Variants in CA6 observed in about 807,000 individuals in gnomAD.
CA6 encodes carbonate dehydratase VI.
Under a neutral mutation model 35.9 loss-of-function variants are expected in CA6, and 28 were observed. The observed-to-expected ratio is 0.78, with a 90% CI of 0.58 to 1.07. The LOEUF is 1.07. CA6 is among the 50% of genes least tolerant of loss of function. The probability of loss-of-function intolerance (pLI) is 0.00; values close to 1 mark genes in which losing one functional copy is unlikely to be tolerated. For synonymous variants in CA6, 148 were observed against 152.6 expected (o/e 0.97, Z 0.22); for missense variants, 377 against 382.0 (o/e 0.99, Z 0.11).
intron 2 of CA6, among the ~76,000 whole-genome samples, chr1:8,955,746 G>C (rs529232809): frequency 6.9e-6 from 1 of 145,166 alleles, no homozygotes; most frequent in African/African-American, 2.6e-5. Flanking sequence ...CCAAACAGCC[G>C]GTGAAAACCT....
chr1:8,947,419 T>A (rs1289188929), intron 1 of CA6, among the ~76,000 whole-genome samples: 1 of 152,010 alleles, frequency 6.6e-6, no homozygotes, highest in Non-Finnish European at 1.5e-5. Flanking sequence ...ATCTGTTAAG[T>A]CAAGGGCAAC....
At chr1:8,971,311 C>CT (rs1254140549) in intron 7 of CA6, among the ~76,000 whole-genome samples, 1,592 of 137,942 alleles carry the variant, frequency 0.012, 19 homozygotes, top group African/African-American at 0.029. Flanking sequence ...TCAAGTTAAC[C>CT]TTTTTTTTTT....
chr1:8,968,296 A>T (rs564335993), intron 6 of CA6, among the ~76,000 whole-genome samples: 6 of 152,038 alleles, frequency 3.9e-5, no homozygotes, highest in Non-Finnish European at 7.4e-5. Flanking sequence ...TCATTTCCTT[A>T]GAAAAAGGTG....
Position 8,957,297 on chromosome 1 carries a change from C to T in CA6, c.408+12C>T, listed in dbSNP as rs368972907. 6.2e-7 allele frequency: 1 copy of T among 1,601,030 alleles called. No individual in the cohort carries two copies. Among genetic ancestry groups the T allele is most frequent in the African/African-American group, 1.3e-5 (1 of 74,496 alleles). ...GACATGTGATCGAGGTACCTGAGGA[C>T]CCCCACTGTGTCCTCTTTCCTTTGA... On this transcript the variant is annotated intron_variant, in intron 3 of 7. Coordinates refer to ENST00000377443, the MANE Select transcript of CA6 (RefSeq NM_001215.4).
rs1336932896 is a variant in CA6 at position 8,948,799 on chromosome 1, G to A, written c.80-464G>A. On this transcript the variant is annotated intron_variant, in intron 1 of 7. Transcript: ENST00000377443. ...AGCCTGGCCAACATGGTGAAACCCC[G>A]TCTCTACTAAAAATACAAAAATTAG... is the stretch of plus-strand genomic sequence containing the variant. Among the ~76,000 whole-genome samples the A allele has an allele frequency of 4.6e-5, 7 of 151,900 alleles. No homozygotes were observed. In the East Asian group the frequency reaches 9.6e-4, roughly 21 times the overall value.
At chr1:8,947,825 G>A (rs917546130) in intron 1 of CA6, among the ~76,000 whole-genome samples, 5 of 151,862 alleles carry the variant, frequency 3.3e-5, no homozygotes, top group Admixed American at 3.3e-4. Flanking sequence ...AAACCAAAAA[G>A]CGGTGAGGGC....
Position 8,963,821 on chromosome 1 carries a change from A to G in CA6, c.571+1165A>G, listed in dbSNP as rs115057234. On this transcript the variant is annotated intron_variant, in intron 5 of 7. Transcript: ENST00000377443. This position sits in a 1 kb window ranked among gnomAD's most constrained non-coding sequence, Gnocchi z 4.1. ...TTCCCAAAATTTTGGGATTATAGGC[A>G]TGAGCCACCACACCTGGCCAACTGG... Among the ~76,000 whole-genome samples, 2,095 of 152,330 alleles carry G rather than the reference A, an allele frequency of 0.014. 16 individuals carry two copies. The highest frequency in any genetic ancestry group is 0.023 in the Non-Finnish European group (1,540 of 68,024).
At chr1:8,950,037 T>TG (rs1472067243) in intron 2 of CA6, among the ~76,000 whole-genome samples, 10 of 152,202 alleles carry the variant, frequency 6.6e-5, no homozygotes, top group African/African-American at 2.4e-4. Context: ...TGGAGTGCAG[T>TG]GGCAGGATCT....
intron 2 of CA6, among the ~76,000 whole-genome samples, 154 bp downstream of exon 2, chr1:8,949,596 G>C (rs1303672914): frequency 1.3e-5 from 2 of 152,102 alleles, no homozygotes; most frequent in African/African-American, 4.8e-5. Flanking sequence ...CATGAGGGCT[G>C]ACTGGCCCCG....
At chr1:8,954,758 AGAGAC>A (rs1423321476) in intron 2 of CA6, among the ~76,000 whole-genome samples, 2 of 151,940 alleles carry the variant, frequency 1.3e-5, no homozygotes, top group Non-Finnish European at 2.9e-5. Context: ...TATTTTTAGT[AGAGAC>A]GAGGTTTCGC....
At chr1:8,966,796 C>T (rs1178451099) in intron 5 of CA6, among the ~76,000 whole-genome samples, 3 of 152,046 alleles carry the variant, frequency 2.0e-5, no homozygotes, top group Non-Finnish European at 4.4e-5. Flanking sequence ...GAAACAAGGA[C>T]CTCTCTAGAG....
At chr1:8,960,789 C>CACACACACACATAT (rs59987426) in intron 4 of CA6, among the ~76,000 whole-genome samples, 68 of 116,950 alleles carry the variant, frequency 5.8e-4, no homozygotes, top group African/African-American at 2.1e-3. Context: ...CACACACACA[C>CACACACACACATAT]ATATATATAA....
chr1:8,971,380 C>T (rs1235837230), intron 7 of CA6, among the ~76,000 whole-genome samples: 5 of 147,790 alleles, frequency 3.4e-5, no homozygotes, highest in Admixed American at 6.8e-5. Flanking sequence ...GGTGCAATCT[C>T]GTCTCACTAC....
intron 2 of CA6, among the ~76,000 whole-genome samples, chr1:8,955,900 T>C (rs1019716169): frequency 1.3e-5 from 2 of 152,224 alleles, no homozygotes; most frequent in African/African-American, 2.4e-5. Flanking sequence ...GAAAATGTTC[T>C]TGTTTACAGC....
At chr1:8,949,575 T>A (rs990184570) in intron 2 of CA6, 133 bp downstream of exon 2, 1 of 733,648 alleles carries the variant, frequency 1.4e-6, no homozygotes, top group Non-Finnish European at 2.2e-6. Context: ...GCCTCGAACA[T>A]GAGGGTCGAA....
Position 8,957,047 on chromosome 1 carries a change from G to A in CA6, c.260-90G>A. The A allele has an allele frequency of 2.5e-6, 3 of 1,194,800 alleles. No individual in the cohort carries two copies. The East Asian group carries it at 8.0e-5, about 32-fold the overall frequency. 74.0% of individuals were successfully genotyped at this position (1,194,800 alleles called of 1,614,324 possible). Reference sequence around the variant, plus strand: ...ATTGGCTTGCCCTGGGCTCAGACAGGTGGGAGGTGAGCAGAGAAGCTACCC... The same window carrying A: ...ATTGGCTTGCCCTGGGCTCAGACAGATGGGAGGTGAGCAGAGAAGCTACCC... On this transcript the variant is annotated intron_variant, in intron 2 of 7. Coordinates refer to ENST00000377443, the MANE Select transcript of CA6 (RefSeq NM_001215.4).
At chr1:8,948,040 T>G (rs72641551) in intron 1 of CA6, among the ~76,000 whole-genome samples, 11,103 of 151,678 alleles carry the variant, frequency 0.073, 553 homozygotes, top group East Asian at 0.17. Flanking sequence ...AGAGATGGAG[T>G]TTCTCCAGGT....
intron 1 of CA6, among the ~76,000 whole-genome samples, chr1:8,947,245 C>T (rs1048399847): frequency 1.3e-5 from 2 of 152,106 alleles, no homozygotes; most frequent in African/African-American, 4.8e-5. Flanking sequence ...GTGAGGAGAG[C>T]TTCTTCCCGC....
At position 8,949,523 on chromosome 1, in the gene CA6, A is replaced by G. The variant is rs1569655464; in HGVS notation, c.259+81A>G. ...CAGGTTACACGTGTCCCTGCCAGGA[A>G]TGGCTTGCACAGAGACACAGAGCAC... On this transcript the variant is annotated intron_variant, in intron 2 of 7. Coordinates refer to ENST00000377443, the MANE Select transcript of CA6 (RefSeq NM_001215.4). The G allele has an allele frequency of 7.2e-6, 9 of 1,244,910 alleles. No homozygotes were observed. The South Asian group carries it at 8.8e-5, about 12-fold the overall frequency. The allele number at this position is 1,244,910 out of a possible 1,614,324, so 77.1% of individuals were successfully genotyped here. A position where few individuals can be genotyped will look rare whatever the true frequency, so the allele number is the denominator to read the frequency against.
Sources: allele counts gnomAD v4.1 joint callset (sites outside exome capture counted in the v4.1 genomes callset), GRCh38; gene constraint gnomAD v4.1.1; non-coding constraint Gnocchi (gnomAD v3.1); transcripts MANE v1.5; gene names NCBI Gene and HGNC (gene_info 2026-07-23, HGNC 2026-07-21).